Variants in HPSE2 observed in about 807,000 individuals in gnomAD.
HPSE2 encodes inactive heparanase-2.
HPSE2 carries 38 observed loss-of-function variants against 60.5 expected under a neutral mutation model. That is an observed-to-expected ratio of 0.63 (90% CI 0.48 to 0.82). HPSE2 has a LOEUF of 0.82. Ranked by LOEUF, HPSE2 falls within the 40% of genes least tolerant of loss-of-function variation. The probability of loss-of-function intolerance (pLI) is 0.00; values close to 1 mark genes in which losing one functional copy is unlikely to be tolerated. For synonymous variants in HPSE2, 295 were observed against 293.2 expected, an observed-to-expected ratio of 1.01 and a Z score of -0.06; for missense variants, 713 against 740.4, an observed-to-expected ratio of 0.96 and a Z score of 0.43.
chr10:98,734,888 TACACAC>T lies in HPSE2; in HGVS notation c.784+8989_784+8994del, dbSNP rs140139802. Among the ~76,000 whole-genome samples the T allele has an allele frequency of 2.0e-5, 3 of 148,330 alleles. No individual in the cohort carries two copies. The South Asian group carries it at 6.5e-4, about 32-fold the overall frequency. On this transcript the variant is annotated intron_variant, in intron 4 of 11. Coordinates refer to ENST00000370552, the MANE Select transcript of HPSE2 (RefSeq NM_021828.5). ...AAGAGTACCCATATAATTTGTCCCT[TACACAC>T]ACACACACACACACACAAACACACA...
At chr10:98,729,012 CAAAAGAAAAGAAAAG>C (rs371166035) in intron 4 of HPSE2, among the ~76,000 whole-genome samples, 1 of 150,740 alleles carries the variant, frequency 6.6e-6, no homozygotes, top group Non-Finnish European at 1.5e-5. Flanking sequence ...TTGTATGAAA[CAAAAGAAAAGAAAAG>C]AAAAGAAAAG....
At chr10:98,873,118 G>A (rs144485188) in intron 3 of HPSE2, among the ~76,000 whole-genome samples, 5 of 151,942 alleles carry the variant, frequency 3.3e-5, no homozygotes, top group Admixed American at 6.6e-5. Flanking sequence ...AGCATAGGAC[G>A]TATAATTTTA....
At chr10:98,994,159 C>T (rs770674361) in intron 3 of HPSE2, among the ~76,000 whole-genome samples, 3 of 152,106 alleles carry the variant, frequency 2.0e-5, no homozygotes, top group Non-Finnish European at 4.4e-5. Context: ...GGGGAAAATC[C>T]CAGTGTTAAA....
chr10:98,993,377 T>C (rs1956571597), intron 3 of HPSE2, among the ~76,000 whole-genome samples: 1 of 152,222 alleles, frequency 6.6e-6, no homozygotes, highest in Admixed American at 6.5e-5. Flanking sequence ...TTTGTTAAAA[T>C]TGAATATGGT....
chr10:99,309,749 G>A, the HPSE2 span, among the ~76,000 whole-genome samples: 4 of 152,132 alleles, frequency 2.6e-5, no homozygotes, highest in Non-Finnish European at 4.4e-5. Flanking sequence ...CACCACCCTT[G>A]ATGTGAAGCA....
At chr10:98,558,084 T>G (rs1944064570) in intron 9 of HPSE2, among the ~76,000 whole-genome samples, 1 of 151,474 alleles carries the variant, frequency 6.6e-6, no homozygotes, top group South Asian at 2.1e-4. Flanking sequence ...TAAAACAAAA[T>G]CAACACCACT....
the HPSE2 span, among the ~76,000 whole-genome samples, chr10:99,271,640 A>AAC: frequency 1.3e-5 from 2 of 152,192 alleles, no homozygotes; most frequent in African/African-American, 2.4e-5. Flanking sequence ...AACTAGAGAA[A>AAC]ACAAACCTAT....
Position 98,497,158 on chromosome 10 carries a change from T to C in HPSE2, c.1321-6962A>G, listed in dbSNP as rs142497095. On this transcript the variant is annotated intron_variant, in intron 9 of 11. Coordinates refer to ENST00000370552, the MANE Select transcript of HPSE2 (RefSeq NM_021828.5). ...TATCCGTAAGCCCATCCTTATCACA[T>C]ACTAAGTAATAGTAAGTCTTCACTT... 3.9e-5 allele frequency among the ~76,000 whole-genome samples: 6 copies of C among 152,312 alleles called. No homozygotes were observed. The East Asian group carries it at 1.2e-3, about 29-fold the overall frequency.
intron 3 of HPSE2, among the ~76,000 whole-genome samples, chr10:99,131,609 G>T (rs1257797841): frequency 6.6e-6 from 1 of 152,102 alleles, no homozygotes; most frequent in Non-Finnish European, 1.5e-5. Context: ...GGATGGAACT[G>T]GAGACCATTA....
intron 5 of HPSE2, among the ~76,000 whole-genome samples, chr10:98,707,559 G>C (rs1288717380): frequency 6.6e-6 from 1 of 152,060 alleles, no homozygotes; most frequent in East Asian, 1.9e-4. Context: ...TTATTTAAAT[G>C]TTAGTGATAT....
chr10:98,586,718 A>G (rs986650394), intron 9 of HPSE2, among the ~76,000 whole-genome samples: 19 of 152,232 alleles, frequency 1.2e-4, no homozygotes, highest in Admixed American at 1.2e-3. Context: ...AGACTTGATC[A>G]GAATAATGAA....
At chr10:98,699,254 C>T (rs1565090800) in intron 5 of HPSE2, among the ~76,000 whole-genome samples, 2 of 152,028 alleles carry the variant, frequency 1.3e-5, no homozygotes, top group Admixed American at 6.6e-5. Flanking sequence ...AAAATACTGG[C>T]AAACCGAATC....
At chr10:98,636,657 GAAGA>G (rs1350431185) in intron 7 of HPSE2, among the ~76,000 whole-genome samples, 1 of 152,170 alleles carries the variant, frequency 6.6e-6, no homozygotes, top group African/African-American at 2.4e-5. Context: ...AAAAAGGAAG[GAAGA>G]AAGGAAGAAA....
At chr10:98,977,498 A>G (rs1956111214) in intron 3 of HPSE2, among the ~76,000 whole-genome samples, 1 of 152,232 alleles carries the variant, frequency 6.6e-6, no homozygotes, top group South Asian at 2.1e-4. Context: ...CAAGTGACTT[A>G]TTACATTTTC....
intron 9 of HPSE2, among the ~76,000 whole-genome samples, chr10:98,590,714 A>G (rs1945067208): frequency 6.6e-6 from 1 of 152,186 alleles, no homozygotes; most frequent in African/African-American, 2.4e-5. Flanking sequence ...CCACACCAGG[A>G]AAATGAAATT....
chr10:98,876,421 C>G (rs896557828), intron 3 of HPSE2, among the ~76,000 whole-genome samples: 2 of 151,788 alleles, frequency 1.3e-5, no homozygotes, highest in African/African-American at 4.8e-5. Flanking sequence ...TGGAAATACT[C>G]TAAAATTTCT....
At chr10:99,247,613 T>TA in the HPSE2 span, among the ~76,000 whole-genome samples, 11 of 152,168 alleles carry the variant, frequency 7.2e-5, no homozygotes, top group Non-Finnish European at 1.5e-5. Context: ...TTGATTTTTT[T>TA]AAAAAATGAG....
At chr10:98,848,463 G>C (rs1391351487) in intron 3 of HPSE2, among the ~76,000 whole-genome samples, 1 of 151,744 alleles carries the variant, frequency 6.6e-6, no homozygotes, top group Non-Finnish European at 1.5e-5. Flanking sequence ...AGCAAGGTTA[G>C]AGAAAAAGAG....
chr10:98,871,352 C>T (rs1952728116), intron 3 of HPSE2, among the ~76,000 whole-genome samples: 2 of 151,970 alleles, frequency 1.3e-5, no homozygotes, highest in Non-Finnish European at 2.9e-5. Flanking sequence ...GGTCCTTACC[C>T]TCTCATAGGG....
Sources: gnomAD v4.1 joint callset for allele counts (sites outside exome capture counted in the v4.1 genomes callset) on GRCh38, gnomAD v4.1.1 for gene constraint, MANE v1.5 for transcripts, NCBI Gene and HGNC (gene_info 2026-07-23, HGNC 2026-07-21) for gene names.